MACROD2: variants seen among roughly 807,000 people sequenced by gnomAD.
MACROD2 encodes mono-ADP ribosylhydrolase 2.
Under a neutral mutation model 70.4 loss-of-function variants are expected in MACROD2, and 36 were observed. That is an observed-to-expected ratio of 0.51 (90% CI 0.39 to 0.68). The LOEUF is 0.68. Among genes scored for constraint, MACROD2 ranks in the 30% least tolerant of loss-of-function variants. The probability of loss-of-function intolerance (pLI) is 0.00; values close to 1 mark genes in which losing one functional copy is unlikely to be tolerated. For missense variants in MACROD2, 496 were observed against 538.4 expected (o/e 0.92, Z 0.78); for synonymous variants, 172 against 178.8 (o/e 0.96, Z 0.30).
chr20:15,462,970 T>C (rs530990794), intron 7 of MACROD2, among the ~76,000 whole-genome samples: 12 of 152,358 alleles, frequency 7.9e-5, no homozygotes, highest in African/African-American at 2.6e-4. Context: ...ATGAATTTGG[T>C]AACGTTTAAA....
chr20:15,873,779 T>A (rs1367582203), intron 9 of MACROD2, among the ~76,000 whole-genome samples: 6 of 152,212 alleles, frequency 3.9e-5, no homozygotes, highest in African/African-American at 1.2e-4. Context: ...AAACCCTTTT[T>A]AATGAAAGAG....
intron 3 of MACROD2, among the ~76,000 whole-genome samples, chr20:14,423,598 G>A (rs1378377137): frequency 2.0e-5 from 3 of 150,420 alleles, no homozygotes; most frequent in African/African-American, 7.3e-5. Context: ...TACTCGGGAG[G>A]CTGAGGCAGG....
intron 4 of MACROD2, among the ~76,000 whole-genome samples, chr20:14,616,168 C>A (rs1983465380): frequency 6.6e-6 from 1 of 152,144 alleles, no homozygotes; most frequent in Non-Finnish European, 1.5e-5. Flanking sequence ...AACATTCTGT[C>A]ATGGCCATAT....
At chr20:14,159,630 CTT>C (rs1321588528) in intron 3 of MACROD2, among the ~76,000 whole-genome samples, 1 of 151,994 alleles carries the variant, frequency 6.6e-6, no homozygotes, top group Non-Finnish European at 1.5e-5. Flanking sequence ...TTGGTGGAGT[CTT>C]TAAGTTTTTC....
chr20:14,382,311 T>C (rs2083429707), intron 3 of MACROD2, among the ~76,000 whole-genome samples: 1 of 138,776 alleles, frequency 7.2e-6, no homozygotes, highest in South Asian at 2.2e-4. Context: ...CCGCCCGCCT[T>C]GGCCTCTCAA....
chr20:14,847,838 T>G (rs1447873325), intron 5 of MACROD2, among the ~76,000 whole-genome samples: 1 of 152,140 alleles, frequency 6.6e-6, no homozygotes, highest in Non-Finnish European at 1.5e-5. Context: ...TGCTTTGAAA[T>G]TCAGTCCAGT....
At chr20:14,322,215 A>G (rs1383166760) in intron 3 of MACROD2, among the ~76,000 whole-genome samples, 1 of 50,960 alleles carries the variant, frequency 2.0e-5, no homozygotes, top group Non-Finnish European at 5.3e-5. Flanking sequence ...GTATTTTGCA[A>G]AGCAACTGGA....
intron 5 of MACROD2, among the ~76,000 whole-genome samples, chr20:15,214,177 T>C (rs1405546729): frequency 6.6e-6 from 1 of 152,188 alleles, no homozygotes; most frequent in African/African-American, 2.4e-5. Context: ...CAAGCCAGGA[T>C]CCAGTATGAC....
intron 3 of MACROD2, among the ~76,000 whole-genome samples, chr20:14,469,007 A>T (rs1600271978): frequency 6.6e-6 from 1 of 152,060 alleles, no homozygotes; most frequent in South Asian, 2.1e-4. Flanking sequence ...TAGTTGATGC[A>T]GTTTCTTCAT....
chr20:14,952,635 C>A (rs2074485025), intron 5 of MACROD2, among the ~76,000 whole-genome samples: 1 of 151,992 alleles, frequency 6.6e-6, no homozygotes, highest in Non-Finnish European at 1.5e-5. Context: ...CTTTTATAAT[C>A]TTTATTTAGC....
intron 8 of MACROD2, among the ~76,000 whole-genome samples, chr20:15,639,991 GAGA>G (rs529964358): frequency 6.7e-5 from 10 of 149,662 alleles, no homozygotes; most frequent in African/African-American, 2.5e-4. Context: ...GGGGGTGAGA[GAGA>G]AGGAGAGAGA....
At chr20:14,671,706 CCAA>C (rs1410962381) in intron 4 of MACROD2, among the ~76,000 whole-genome samples, 1 of 152,154 alleles carries the variant, frequency 6.6e-6, no homozygotes, top group Admixed American at 6.5e-5. Flanking sequence ...TTCAAATTGA[CCAA>C]CAAGATGAGG....
At chr20:14,213,149 A>G (rs2081584166) in intron 3 of MACROD2, among the ~76,000 whole-genome samples, 1 of 151,894 alleles carries the variant, frequency 6.6e-6, no homozygotes, top group South Asian at 2.1e-4. Context: ...TTTAATATTG[A>G]TGTTACCAAA....
chr20:14,117,212 A>G (rs1012710352), intron 3 of MACROD2, among the ~76,000 whole-genome samples: 1 of 152,178 alleles, frequency 6.6e-6, no homozygotes, highest in Non-Finnish European at 1.5e-5. Context: ...GGTCCCATTT[A>G]ACTTTGCAAC....
At chr20:14,337,224 A>G (rs2082954531) in intron 3 of MACROD2, among the ~76,000 whole-genome samples, 1 of 152,236 alleles carries the variant, frequency 6.6e-6, no homozygotes, top group African/African-American at 2.4e-5. Flanking sequence ...AACTTCTTAC[A>G]TTCAGCCATG....
chr20:14,941,688 A>T (rs1249661856), intron 5 of MACROD2, among the ~76,000 whole-genome samples: 1 of 151,970 alleles, frequency 6.6e-6, no homozygotes, highest in East Asian at 1.9e-4. Flanking sequence ...CTATTGGGGG[A>T]AATGAAGCCA....
At chr20:15,445,416 G>A (rs1319921169) in intron 7 of MACROD2, among the ~76,000 whole-genome samples, 1 of 152,032 alleles carries the variant, frequency 6.6e-6, no homozygotes, top group Non-Finnish European at 1.5e-5. Flanking sequence ...GAATAAAAAG[G>A]AAACATTTTG....
intron 3 of MACROD2, among the ~76,000 whole-genome samples, chr20:14,147,123 AGG>A (rs1364838097): frequency 6.6e-6 from 1 of 152,190 alleles, no homozygotes; most frequent in Non-Finnish European, 1.5e-5. Flanking sequence ...GTAATGAGGT[AGG>A]TGCTTTCAGG....
At chr20:14,219,765 A>G (rs1304101904) in intron 3 of MACROD2, among the ~76,000 whole-genome samples, 2 of 152,060 alleles carry the variant, frequency 1.3e-5, no homozygotes, top group African/African-American at 4.8e-5. Flanking sequence ...ATGTGGCTTC[A>G]TGTGAGCCAA....
Sources: gnomAD v4.1 joint callset for allele counts (sites outside exome capture counted in the v4.1 genomes callset) on GRCh38, gnomAD v4.1.1 for gene constraint, MANE v1.5 for transcripts, NCBI Gene and HGNC (gene_info 2026-07-23, HGNC 2026-07-21) for gene names.